Variants in MEI4 observed in about 807,000 individuals in gnomAD.
MEI4 encodes the protein meiotic double-stranded break formation protein 4, also known as meiosis-specific protein MEI4.
A neutral mutation model predicts 31.4 loss-of-function variants in MEI4; 27 were observed. The observed-to-expected ratio is 0.86, with a 90% CI of 0.63 to 1.19. The LOEUF is 1.19. MEI4 is among the 50% of genes most tolerant of loss of function. MEI4 has a pLI of 0.00. For missense variants in MEI4, 329 were observed against 398.9 expected (o/e 0.82, Z 1.49); for synonymous variants, 122 against 145.4 (o/e 0.84, Z 1.16).
At chr6:77,747,654 G>A (rs1405427435) in intron 2 of MEI4, among the ~76,000 whole-genome samples, 2 of 152,116 alleles carry the variant, frequency 1.3e-5, no homozygotes, top group Admixed American at 6.5e-5. Flanking sequence ...GGGACACAGA[G>A]CCAAACCATA....
intron 3 of MEI4, among the ~76,000 whole-genome samples, chr6:77,773,550 T>A (rs1442573361): frequency 6.6e-6 from 1 of 151,922 alleles, no homozygotes; most frequent in African/African-American, 2.4e-5. Context: ...GGATTAAAAA[T>A]TAAAATCTCA....
Position 77,746,515 on chromosome 6 carries a change from C to G in MEI4, c.233-14615C>G, listed in dbSNP as rs78857538. Among the ~76,000 whole-genome samples the G allele has an allele frequency of 8.1e-3, 1,237 of 152,144 alleles. 49 individuals carry two copies. The East Asian group carries it at 0.14, about 17-fold the overall frequency. ...ATCAGCTCTTGGGTCTTAAGTCTGCCAGTTTTTGGACTACAACTTACAGTA... is the reference window on the plus strand; with the variant it reads ...ATCAGCTCTTGGGTCTTAAGTCTGCGAGTTTTTGGACTACAACTTACAGTA... On this transcript the variant is annotated intron_variant, in intron 2 of 4. Transcript: ENST00000684080.
chr6:77,670,753 A>G (rs1768723421), intron 1 of MEI4, among the ~76,000 whole-genome samples: 1 of 152,092 alleles, frequency 6.6e-6, no homozygotes, highest in Non-Finnish European at 1.5e-5. Context: ...ATTGCAAACA[A>G]TCCCTTACCT....
intron 4 of MEI4, among the ~76,000 whole-genome samples, chr6:77,846,741 A>C (rs1294946635): frequency 6.6e-6 from 1 of 152,180 alleles, no homozygotes; most frequent in Non-Finnish European, 1.5e-5. Flanking sequence ...CTTGACCTTG[A>C]CATGGAATTC....
intron 2 of MEI4, among the ~76,000 whole-genome samples, chr6:77,701,510 G>A (rs1766221276): frequency 6.6e-6 from 1 of 152,064 alleles, no homozygotes; most frequent in East Asian, 1.9e-4. Context: ...GATGGATGAA[G>A]TGTCAGGTAT....
chr6:77,871,935 GC>G (rs1771204574), intron 4 of MEI4, among the ~76,000 whole-genome samples: 1 of 151,954 alleles, frequency 6.6e-6, no homozygotes, highest in Non-Finnish European at 1.5e-5. Context: ...AATATTATTG[GC>G]TTAATTAAAA....
chr6:77,858,568 T>C (rs775684104), intron 4 of MEI4, among the ~76,000 whole-genome samples: 8 of 152,104 alleles, frequency 5.3e-5, no homozygotes, highest in Non-Finnish European at 8.8e-5. Context: ...ATTTGTTGGC[T>C]AATAATGGTG....
intron 1 of MEI4, among the ~76,000 whole-genome samples, chr6:77,683,105 G>A (rs2127649802): frequency 6.6e-6 from 1 of 152,276 alleles, no homozygotes; most frequent in African/African-American, 2.4e-5. Flanking sequence ...GTATTTTACA[G>A]TTGAAGATGT....
intron 3 of MEI4, among the ~76,000 whole-genome samples, chr6:77,813,620 G>T (rs1248438533): frequency 6.6e-6 from 1 of 151,732 alleles, no homozygotes; most frequent in Non-Finnish European, 1.5e-5. Flanking sequence ...ATCCTAATAT[G>T]CAGAAGCTTT....
At chr6:77,881,665 T>G (rs1245528085) in intron 4 of MEI4, among the ~76,000 whole-genome samples, 1 of 149,678 alleles carries the variant, frequency 6.7e-6, no homozygotes, top group Non-Finnish European at 1.5e-5. Flanking sequence ...CCTTTGATGC[T>G]TATGAGCATC....
At chr6:77,918,042 T>A (rs1225548224) in intron 4 of MEI4, among the ~76,000 whole-genome samples, 1 of 151,728 alleles carries the variant, frequency 6.6e-6, no homozygotes, top group East Asian at 2.0e-4. Context: ...CCCCATTGCT[T>A]GTTTTTCTCA....
At chr6:77,756,089 CAGTCA>C (rs1160073158) in intron 2 of MEI4, among the ~76,000 whole-genome samples, 1 of 152,064 alleles carries the variant, frequency 6.6e-6, no homozygotes, top group Non-Finnish European at 1.5e-5. Context: ...AGGTCTAACT[CAGTCA>C]TACAAGCAAA....
chr6:77,887,695 A>G (rs138674295), intron 4 of MEI4, among the ~76,000 whole-genome samples: 1,884 of 152,334 alleles, frequency 0.012, 43 homozygotes, highest in African/African-American at 0.042. Context: ...TTGTGCCCTA[A>G]TGTATAGTCC....
At position 77,925,027 on chromosome 6, in the gene MEI4, T is replaced by G. The variant is rs1242868654; in HGVS notation, c.*1681T>G. ...CCTGTGAAGGCTTATGGAAGTCACT[T>G]CAGTTGATATAGCATTACACAAAAT... On this transcript the variant is annotated 3_prime_UTR_variant, in exon 5 of 5. Coordinates refer to ENST00000684080, the MANE Select transcript of MEI4 (RefSeq NM_001322247.2). 2 of 151,908 alleles carry G rather than the reference T, an allele frequency of 1.3e-5. No homozygotes were observed. Among genetic ancestry groups the G allele is most frequent in the African/African-American group, 4.8e-5 (2 of 41,422 alleles). 9.4% of individuals were successfully genotyped at this position (151,908 alleles called of 1,614,324 possible).
chr6:77,724,716 G>T (rs1185658933), intron 2 of MEI4, among the ~76,000 whole-genome samples: 20 of 148,924 alleles, frequency 1.3e-4, no homozygotes, highest in Non-Finnish European at 2.1e-4. Context: ...TGCTGGAAGA[G>T]GACTTGTGCC....
At chr6:77,746,638 CGT>C (rs5877568) in intron 2 of MEI4, among the ~76,000 whole-genome samples, 3,227 of 136,532 alleles carry the variant, frequency 0.024, 49 homozygotes, top group South Asian at 0.055. Flanking sequence ...AAATATATGG[CGT>C]GTGTGTGTGT....
chr6:77,832,050 T>C (rs891691512), intron 4 of MEI4, among the ~76,000 whole-genome samples: 1 of 152,076 alleles, frequency 6.6e-6, no homozygotes, highest in African/African-American at 2.4e-5. Context: ...TGTACAACTC[T>C]GACGTATCAA....
At chr6:77,904,704 T>G (rs1391145530) in intron 4 of MEI4, among the ~76,000 whole-genome samples, 1 of 152,130 alleles carries the variant, frequency 6.6e-6, no homozygotes, top group Admixed American at 6.6e-5. Flanking sequence ...CTTTATCCAG[T>G]CCACGGTTGA....
chr6:77,739,198 G>A (rs1202833447), intron 2 of MEI4, among the ~76,000 whole-genome samples: 1 of 151,476 alleles, frequency 6.6e-6, no homozygotes, highest in African/African-American at 2.4e-5. Context: ...TTCTTCTAGG[G>A]TTTTTTTTGG....
Sources: allele counts gnomAD v4.1 joint callset (sites outside exome capture counted in the v4.1 genomes callset), GRCh38; gene constraint gnomAD v4.1.1; transcripts MANE v1.5; gene names NCBI Gene and HGNC (gene_info 2026-07-23, HGNC 2026-07-21).